Variants in CACNA1C observed in about 807,000 individuals in gnomAD.
CACNA1C encodes the protein calcium voltage-gated channel subunit alpha1 C, also known as voltage-dependent L-type calcium channel subunit alpha-1C.
In CACNA1C, 30 loss-of-function variants were observed where a neutral mutation model predicts 229.0. The ratio of observed to expected loss-of-function variants is 0.13; its 90% CI spans 0.10 to 0.18. The LOEUF (loss-of-function observed/expected upper bound fraction) is 0.18. Among genes scored for constraint, CACNA1C ranks in the 10% least tolerant of loss-of-function variants. The pLI is 1.00. For synonymous variants in CACNA1C, 1,114 were observed against 1,132.5 expected, an observed-to-expected ratio of 0.98 and a Z score of 0.33; for missense variants, 1,658 against 2,845.0, an observed-to-expected ratio of 0.58 and a Z score of 9.49.
At chr12:2,231,798 A>G (rs2065231913) in intron 3 of CACNA1C, among the ~76,000 whole-genome samples, 1 of 152,172 alleles carries the variant, frequency 6.6e-6, no homozygotes, top group South Asian at 2.1e-4. Context: ...AGCACTATCT[A>G]GAATGTGATC....
At chr12:2,462,732 T>G (rs1158420494) in intron 5 of CACNA1C, among the ~76,000 whole-genome samples, 1 of 152,160 alleles carries the variant, frequency 6.6e-6, no homozygotes, top group African/African-American at 2.4e-5. Flanking sequence ...TGCTGGCTTT[T>G]CCAAAGGGTC....
chr12:2,149,847 A>G (rs1001663432), intron 3 of CACNA1C, among the ~76,000 whole-genome samples: 3 of 152,200 alleles, frequency 2.0e-5, no homozygotes, highest in Non-Finnish European at 4.4e-5. Context: ...GCCCAGGCTG[A>G]AGTAGAACAT....
intron 3 of CACNA1C, among the ~76,000 whole-genome samples, chr12:2,369,999 GTA>G (rs1275334396): frequency 2.0e-5 from 3 of 152,198 alleles, no homozygotes; most frequent in Non-Finnish European, 4.4e-5. Context: ...TATTGCTGCT[GTA>G]TAAGGAGATC....
In CACNA1C at chr12:2,646,466, A is replaced by C. The variant is rs2094360581; in HGVS notation, c.3913-2009A>C. The C allele has an allele frequency of 6.6e-6, 1 of 152,168 alleles. No homozygotes were observed. Among genetic ancestry groups the C allele is most frequent in the Non-Finnish European group, 1.5e-5 (1 of 68,074 alleles). 9.4% of individuals were successfully genotyped at this position (152,168 alleles called of 1,614,324 possible). On this transcript the variant is annotated intron_variant, in intron 30 of 46. Coordinates refer to ENST00000399655, the MANE Select transcript of CACNA1C (RefSeq NM_000719.7). The surrounding 1 kb of genome is among the most constrained non-coding windows in gnomAD (Gnocchi z 4.6). ...GCAGCTGTGATGGTTTTCAGGATGG[A>C]TCCAAGAGGCCAGCAATGGCTCAAG...
chr12:2,633,237 C>T lies in CACNA1C; in HGVS notation c.3829-1060C>T, dbSNP rs762382212. 2.6e-5 allele frequency among the ~76,000 whole-genome samples: 4 copies of T among 152,148 alleles called. No individual in the cohort carries two copies. Among genetic ancestry groups the T allele is most frequent in the African/African-American group, 9.7e-5 (4 of 41,424 alleles). On this transcript the variant is annotated intron_variant, in intron 29 of 46. Transcript: ENST00000399655. The surrounding 1 kb of genome is among the most constrained non-coding windows in gnomAD (Gnocchi z 5.8). ...GACAGGCCCTTCTGCTGGAAGAGGA[C>T]TGGGGGTGCAGGAGATGCTCAGCGT...
At chr12:2,316,929 G>C (rs1351451094) in intron 3 of CACNA1C, among the ~76,000 whole-genome samples, 1 of 152,174 alleles carries the variant, frequency 6.6e-6, no homozygotes, top group Non-Finnish European at 1.5e-5. Context: ...CAAGCACCCA[G>C]CATAGTGCCT....
At chr12:2,099,771 G>T (rs976102428) in intron 1 of CACNA1C, among the ~76,000 whole-genome samples, 5 of 151,948 alleles carry the variant, frequency 3.3e-5, no homozygotes, top group Non-Finnish European at 7.4e-5. Context: ...GGGCAGACAC[G>T]CTGCCTGCCT....
intron 3 of CACNA1C, among the ~76,000 whole-genome samples, chr12:2,199,910 C>T (rs1256849237): frequency 2.0e-5 from 3 of 152,122 alleles, no homozygotes; most frequent in African/African-American, 7.2e-5. Context: ...AAAAAAAGTG[C>T]TACCATCCTC....
At chr12:2,606,879 T>C in intron 25 of CACNA1C, 105 bp from the exon 26 acceptor site, 1 of 1,363,700 alleles carries the variant, frequency 7.3e-7, no homozygotes, top group Non-Finnish European at 1.0e-6. Flanking sequence ...ACGGTGAAGT[T>C]CAAGCCAGGC....
chr12:2,084,836 C>T (rs1023271501), intron 1 of CACNA1C, among the ~76,000 whole-genome samples: 1 of 152,184 alleles, frequency 6.6e-6, no homozygotes, highest in African/African-American at 2.4e-5. Context: ...GTTCCACCTA[C>T]CCTATGTTTA....
chr12:2,057,336 A>G (rs2055463135), intron 1 of CACNA1C, among the ~76,000 whole-genome samples: 1 of 152,182 alleles, frequency 6.6e-6, no homozygotes, highest in Non-Finnish European at 1.5e-5. Context: ...TGCGTGAATG[A>G]ATGAATGCGA....
At position 2,524,864 on chromosome 12, in the gene CACNA1C, CAGA is replaced by C. The variant is rs1420817785; in HGVS notation, c.1390+11883_1390+11885del. Among the ~76,000 whole-genome samples the C allele has an allele frequency of 3.3e-5, 5 of 152,302 alleles. No homozygotes were observed. In the East Asian group the frequency reaches 7.7e-4, roughly 23 times the overall value. On this transcript the variant is annotated intron_variant, in intron 9 of 46. Coordinates refer to ENST00000399655, the MANE Select transcript of CACNA1C (RefSeq NM_000719.7). The stretch of plus-strand genomic sequence containing the variant: ...GAGCAGCTAACTAAGTGCTCGGGGG[CAGA>C]AGGACTGGGGCTGGGTGGGCACAGG...
rs2959151 is a variant in CACNA1C at position 1,997,597 on chromosome 12, G to A, written c.139+26396G>A. On this transcript the variant is annotated intron_variant, in intron 1 of 46. Coordinates refer to the CACNA1C transcript ENST00000682462. ...TGAACAATCTAGTATTTCTGATAGT[G>A]TTCTTCTAGCTCCTTGCCAATGCAT... Among the ~76,000 whole-genome samples, 756 of 152,342 alleles carry A rather than the reference G, an allele frequency of 5.0e-3. 5 individuals are homozygous for A. The highest frequency in any genetic ancestry group is 0.017 in the African/African-American group (703 of 41,572).
chr12:2,255,255 G>A (rs2076970756), intron 3 of CACNA1C, among the ~76,000 whole-genome samples: 1 of 148,188 alleles, frequency 6.7e-6, no homozygotes. Context: ...GGGATGCTCA[G>A]CATTCTGCTG....
intron 6 of CACNA1C, among the ~76,000 whole-genome samples, chr12:2,491,653 A>AGAG (rs901364093): frequency 1.5e-5 from 2 of 129,128 alleles, no homozygotes; most frequent in African/African-American, 5.8e-5. Flanking sequence ...AGGAGGAGGA[A>AGAG]GAGGAGGAGG....
chr12:1,985,744 C>G (rs2037506099), intron 1 of CACNA1C, among the ~76,000 whole-genome samples: 1 of 152,186 alleles, frequency 6.6e-6, no homozygotes. Flanking sequence ...GCAATCAATT[C>G]AGTTAGGTTT....
intron 3 of CACNA1C, among the ~76,000 whole-genome samples, chr12:2,313,109 T>C (rs1470623832): frequency 6.6e-6 from 1 of 152,022 alleles, no homozygotes. Context: ...TCAATCAGAG[T>C]CATGTGGGTG....
chr12:2,269,140 G>A (rs537234603), intron 3 of CACNA1C, among the ~76,000 whole-genome samples: 12 of 152,266 alleles, frequency 7.9e-5, no homozygotes, highest in African/African-American at 2.2e-4. Context: ...AAATGCCTCC[G>A]CGTCTACTCA....
intron 20 of CACNA1C, 147 bp downstream of exon 20, chr12:2,596,150 G>GGCTTTGATAGAAAACCAC: frequency 1.3e-6 from 1 of 775,622 alleles, no homozygotes; most frequent in South Asian, 2.7e-5. Flanking sequence ...AAGAGAGTAG[G>GGCTTTGATAGAAAACCAC]GCTTTGATAG....
Sources: allele counts gnomAD v4.1 joint callset (sites outside exome capture counted in the v4.1 genomes callset), GRCh38; gene constraint gnomAD v4.1.1; non-coding constraint Gnocchi (gnomAD v3.1); transcripts MANE v1.5; gene names NCBI Gene and HGNC (gene_info 2026-07-23, HGNC 2026-07-21).